Variants in LARGE1 observed in about 807,000 individuals in gnomAD.
LARGE1 encodes xylosyl- and glucuronyltransferase LARGE1.
A neutral mutation model predicts 87.6 loss-of-function variants in LARGE1; 43 were observed. The ratio of observed to expected loss-of-function variants is 0.49; its 90% CI spans 0.38 to 0.63. The LOEUF is 0.63. Ranked by LOEUF, LARGE1 falls within the 30% of genes least tolerant of loss-of-function variation. LARGE1 has a pLI of 0.00. For missense variants in LARGE1, 802 were observed against 1,000.2 expected (o/e 0.80, Z 2.67); for synonymous variants, 434 against 394.6 (o/e 1.10, Z -1.18).
At chr22:33,204,421 TG>T (rs912449794) in intron 11 of LARGE1, among the ~76,000 whole-genome samples, 6 of 152,208 alleles carry the variant, frequency 3.9e-5, no homozygotes, top group Admixed American at 2.6e-4. Context: ...TTCACTAAAA[TG>T]TAAGACTTTT....
At chr22:33,607,952 C>G (rs1273707430) in intron 4 of LARGE1, among the ~76,000 whole-genome samples, 1 of 152,160 alleles carries the variant, frequency 6.6e-6, no homozygotes, top group Non-Finnish European at 1.5e-5. Flanking sequence ...CCCTAAATGC[C>G]CTATAAGAAG....
intron 2 of LARGE1, among the ~76,000 whole-genome samples, chr22:33,654,927 GTGT>G (rs1238108957): frequency 3.9e-5 from 6 of 152,150 alleles, no homozygotes; most frequent in Non-Finnish European, 8.8e-5. Flanking sequence ...CTTGGCCCAC[GTGT>G]AACTCATCAC....
intron 2 of LARGE1, among the ~76,000 whole-genome samples, chr22:33,749,922 C>A (rs745731959): frequency 6.6e-5 from 10 of 152,168 alleles, no homozygotes; most frequent in Non-Finnish European, 1.5e-4. Context: ...CCTTTTTAGA[C>A]AAGGACAGGC....
chr22:33,142,030 C>CAA, the LARGE1 span, among the ~76,000 whole-genome samples: 1 of 151,278 alleles, frequency 6.6e-6, no homozygotes, highest in East Asian at 2.0e-4. Flanking sequence ...GCTTACTTAA[C>CAA]AACAAAACAA....
intron 6 of LARGE1, among the ~76,000 whole-genome samples, chr22:33,497,564 A>G (rs2070200764): frequency 6.6e-6 from 1 of 152,254 alleles, no homozygotes; most frequent in Admixed American, 6.5e-5. Flanking sequence ...GATCATTCAC[A>G]TAAGATCACT....
chr22:33,217,308 T>C (rs1367735063), intron 11 of LARGE1, among the ~76,000 whole-genome samples: 1 of 151,686 alleles, frequency 6.6e-6, no homozygotes, highest in Non-Finnish European at 1.5e-5. Context: ...TAGGAACTTA[T>C]GATAAATATT....
At chr22:33,724,568 T>G (rs566187539) in intron 2 of LARGE1, among the ~76,000 whole-genome samples, 1 of 152,174 alleles carries the variant, frequency 6.6e-6, no homozygotes, top group Admixed American at 6.5e-5. Context: ...GTTGATATAA[T>G]GTAGACCAAA....
intron 9 of LARGE1, among the ~76,000 whole-genome samples, chr22:33,364,292 C>T (rs1445102573): frequency 2.0e-5 from 3 of 152,236 alleles, no homozygotes; most frequent in South Asian, 4.1e-4. Flanking sequence ...CTCCTGACCT[C>T]GTGATCCGCC....
chr22:33,557,756 G>A (rs952999763), intron 6 of LARGE1, among the ~76,000 whole-genome samples: 9 of 152,052 alleles, frequency 5.9e-5, no homozygotes, highest in Non-Finnish European at 1.0e-4. Flanking sequence ...TAGTAGAGAT[G>A]GGGTTTCGCC....
intron 6 of LARGE1, among the ~76,000 whole-genome samples, chr22:33,502,732 C>T (rs187971997): frequency 7.2e-5 from 11 of 152,186 alleles, no homozygotes; most frequent in Admixed American, 2.6e-4. Context: ...CCACGCCTGG[C>T]TAATTTTTGT....
At chr22:33,414,893 C>T (rs543732508) in intron 7 of LARGE1, among the ~76,000 whole-genome samples, 2 of 152,204 alleles carry the variant, frequency 1.3e-5, no homozygotes, top group Non-Finnish European at 2.9e-5. Context: ...AAAGTGACTC[C>T]TCAGCAGACA....
At chr22:33,141,766 G>C in the LARGE1 span, among the ~76,000 whole-genome samples, 1 of 152,130 alleles carries the variant, frequency 6.6e-6, no homozygotes, top group African/African-American at 2.4e-5. Flanking sequence ...TGTAAGATTA[G>C]TTTCTTGAAC....
At chr22:33,878,565 T>C (rs577835832) in intron 1 of LARGE1, among the ~76,000 whole-genome samples, 1 of 152,316 alleles carries the variant, frequency 6.6e-6, no homozygotes, top group East Asian at 1.9e-4. Flanking sequence ...AATATATAAA[T>C]ACATTAACTT....
At chr22:33,909,329 C>G (rs1256310220) in intron 1 of LARGE1, among the ~76,000 whole-genome samples, 2 of 152,130 alleles carry the variant, frequency 1.3e-5, no homozygotes, top group African/African-American at 2.4e-5. Flanking sequence ...GCCCTTAGAA[C>G]TTCATATATG....
chr22:33,403,659 AG>A (rs1395722711), intron 7 of LARGE1, among the ~76,000 whole-genome samples: 1 of 151,738 alleles, frequency 6.6e-6, no homozygotes, highest in Non-Finnish European at 1.5e-5. Flanking sequence ...GCTGGAGTGT[AG>A]TGGCGCGATC....
intron 1 of LARGE1, among the ~76,000 whole-genome samples, chr22:33,819,908 T>C (rs565311555): frequency 6.6e-6 from 1 of 152,320 alleles, no homozygotes; most frequent in South Asian, 2.1e-4. Flanking sequence ...GACCAAGTCC[T>C]AGCCAGTAGG....
intron 2 of LARGE1, among the ~76,000 whole-genome samples, chr22:33,703,976 T>A (rs1303967219): frequency 1.3e-5 from 2 of 152,338 alleles, no homozygotes; most frequent in East Asian, 3.9e-4. Context: ...GGCCAAGTCA[T>A]GGGAGGATCT....
intron 1 of LARGE1, among the ~76,000 whole-genome samples, chr22:33,895,846 C>A (rs1226803857): frequency 6.6e-6 from 1 of 152,214 alleles, no homozygotes; most frequent in Non-Finnish European, 1.5e-5. Context: ...AGGGACCACA[C>A]AAGAGCAGAT....
At chr22:33,335,170 C>T (rs1041576820) in intron 10 of LARGE1, among the ~76,000 whole-genome samples, 16 of 152,136 alleles carry the variant, frequency 1.1e-4, no homozygotes, top group African/African-American at 7.2e-5. Context: ...AAAAATGTGC[C>T]GAATGGGCAC....
Sources: gnomAD v4.1 joint callset for allele counts (sites outside exome capture counted in the v4.1 genomes callset) on GRCh38, gnomAD v4.1.1 for gene constraint, MANE v1.5 for transcripts, NCBI Gene and HGNC (gene_info 2026-07-23, HGNC 2026-07-21) for gene names.